Variants in BTC observed in about 807,000 individuals in gnomAD.
The protein encoded by BTC is betacellulin.
A neutral mutation model predicts 18.1 loss-of-function variants in BTC; 13 were observed. That is an observed-to-expected ratio of 0.72 (90% CI 0.47 to 1.14). BTC has a LOEUF of 1.14. Among genes scored for constraint, BTC ranks in the 50% most tolerant of loss-of-function variants. The probability of loss-of-function intolerance (pLI) is 0.00; values close to 1 mark genes in which losing one functional copy is unlikely to be tolerated. For synonymous variants in BTC, 83 were observed against 79.4 expected, an observed-to-expected ratio of 1.05 and a Z score of -0.24; for missense variants, 247 against 224.2, an observed-to-expected ratio of 1.10 and a Z score of -0.65.
chr4:74,760,998 T>C (rs910343895), intron 2 of BTC, among the ~76,000 whole-genome samples: 2 of 152,128 alleles, frequency 1.3e-5, no homozygotes, highest in South Asian at 2.1e-4. Flanking sequence ...CCTCCCAAAG[T>C]GCTGGGATTA....
At chr4:74,753,960 C>T (rs113492153) in intron 3 of BTC, among the ~76,000 whole-genome samples, 214 of 152,242 alleles carry the variant, frequency 1.4e-3, no homozygotes, top group African/African-American at 4.6e-3. Context: ...AGTGTTTTCG[C>T]ATTTATTATT....
At chr4:74,770,967 G>A (rs1725023465) in intron 1 of BTC, among the ~76,000 whole-genome samples, 1 of 150,786 alleles carries the variant, frequency 6.6e-6, no homozygotes, top group Non-Finnish European at 1.5e-5. Flanking sequence ...GGATAAAATT[G>A]ATGTATCTGG....
intron 1 of BTC, among the ~76,000 whole-genome samples, chr4:74,792,101 A>T (rs974335493): frequency 6.6e-6 from 1 of 152,162 alleles, no homozygotes; most frequent in African/African-American, 2.4e-5. Context: ...ACTTAAAAGT[A>T]AAGTGTGTAT....
At chr4:74,761,403 A>G (rs1218783053) in intron 2 of BTC, among the ~76,000 whole-genome samples, 1 of 152,140 alleles carries the variant, frequency 6.6e-6, no homozygotes, top group Admixed American at 6.5e-5. Flanking sequence ...GGGTAAGCTC[A>G]TCAAGACTCC....
chr4:74,793,885 C>G (rs912856725), intron 1 of BTC, among the ~76,000 whole-genome samples: 1 of 151,990 alleles, frequency 6.6e-6, no homozygotes, highest in Non-Finnish European at 1.5e-5. Context: ...CCCCTGCCCC[C>G]ACCCCCCGAC....
chr4:74,752,912 G>A (rs5028443), intron 3 of BTC, among the ~76,000 whole-genome samples: 93,742 of 151,946 alleles, frequency 0.62, 29,008 homozygotes, highest in East Asian at 0.66. Context: ...GCTTAACAAT[G>A]CTTTAATTGA....
chr4:74,748,800 C>A (rs577865328), intron 4 of BTC, among the ~76,000 whole-genome samples: 4 of 152,222 alleles, frequency 2.6e-5, no homozygotes, highest in African/African-American at 7.2e-5. Context: ...AGTGACACAG[C>A]GTTTGGATAT....
In BTC at chr4:74,791,520, C is replaced by G. The variant is rs184301692; in HGVS notation, c.64+2742G>C. On this transcript the variant is annotated intron_variant, in intron 1 of 5. Coordinates refer to ENST00000395743, the MANE Select transcript of BTC (RefSeq NM_001729.4). ...CCAAATTAATGCATATAAAGAATAT[C>G]GATAACACATAAACGTGTAATTTAT... 2.0e-4 allele frequency among the ~76,000 whole-genome samples: 30 copies of G among 152,168 alleles called. No individual in the cohort carries two copies. The East Asian group carries it at 5.0e-3, about 25-fold the overall frequency.
At chr4:74,748,244 T>A (rs979469568) in intron 4 of BTC, 95 bp from the exon 5 acceptor site, 30 of 808,924 alleles carry the variant, frequency 3.7e-5, no homozygotes, top group South Asian at 9.0e-5. Context: ...GTTTCTTTTT[T>A]TAAAAAAATA....
intron 1 of BTC, among the ~76,000 whole-genome samples, chr4:74,784,461 G>A (rs895472911): frequency 7.9e-5 from 12 of 152,056 alleles, no homozygotes; most frequent in Admixed American, 7.9e-4. Context: ...TCAATACTAT[G>A]TTGAGTAGGA....
rs1724286570 is a variant in BTC at position 74,746,314 on chromosome 4, G to A, written c.*363C>T. The A allele has an allele frequency of 6.6e-6, 1 of 152,206 alleles. No homozygotes were observed. Among genetic ancestry groups the A allele is most frequent in the South Asian group, 2.1e-4 (1 of 4,812 alleles). 9.4% of individuals were successfully genotyped at this position (152,206 alleles called of 1,614,324 possible). A position where few individuals can be genotyped will look rare whatever the true frequency, so the allele number is the denominator to read the frequency against. ...TATATTTCAAACTTATTAGCACATGGTAAATGCTTGATAAATGGTAGCTTT... is the reference window on the plus strand; with the variant it reads ...TATATTTCAAACTTATTAGCACATGATAAATGCTTGATAAATGGTAGCTTT... On this transcript the variant is annotated 3_prime_UTR_variant, in exon 6 of 6. Coordinates refer to ENST00000395743, the MANE Select transcript of BTC (RefSeq NM_001729.4).
chr4:74,768,081 T>G (rs574076339), intron 2 of BTC, among the ~76,000 whole-genome samples: 1 of 152,192 alleles, frequency 6.6e-6, no homozygotes, highest in African/African-American at 2.4e-5. Context: ...CAACAGAGTT[T>G]GGGCTGTGCA....
intron 2 of BTC, among the ~76,000 whole-genome samples, chr4:74,763,450 A>AT (rs782556274): frequency 2.0e-5 from 3 of 152,120 alleles, no homozygotes; most frequent in South Asian, 2.1e-4. Flanking sequence ...TCTATTTTTA[A>AT]TTTTTTTAAA....
intron 1 of BTC, 110 bp from the exon 2 acceptor site, chr4:74,770,266 G>T: frequency 1.2e-6 from 1 of 848,726 alleles, no homozygotes; most frequent in Non-Finnish European, 1.8e-6. Flanking sequence ...CAAGACTATG[G>T]TTTCCATTTC....
In BTC at chr4:74,794,450, C is replaced by A. The variant is rs1560729775; in HGVS notation, c.-125G>T. The A allele has an allele frequency of 2.7e-6, 3 of 1,112,784 alleles. No individual in the cohort carries two copies. Among genetic ancestry groups the A allele is most frequent in the Non-Finnish European group, 2.5e-6 (2 of 811,332 alleles). The allele number at this position is 1,112,784 out of a possible 1,614,324, so 68.9% of individuals were successfully genotyped here. A position where few individuals can be genotyped will look rare whatever the true frequency, so the allele number is the denominator to read the frequency against. ...ATCCCGGAGGCAGAAGGAAACGAAA[C>A]TACTTCCCAGGCTGGCACCCTGGCT... On this transcript the variant is annotated 5_prime_UTR_variant, in exon 1 of 6. Coordinates refer to ENST00000395743, the MANE Select transcript of BTC (RefSeq NM_001729.4).
At chr4:74,792,487 C>G (rs886714416) in intron 1 of BTC, among the ~76,000 whole-genome samples, 1 of 152,192 alleles carries the variant, frequency 6.6e-6, no homozygotes, top group African/African-American at 2.4e-5. Flanking sequence ...GGCGCCCCCC[C>G]TTCCTATACT....
At chr4:74,775,770 A>C (rs567117481) in intron 1 of BTC, among the ~76,000 whole-genome samples, 145 of 152,320 alleles carry the variant, frequency 9.5e-4, no homozygotes, top group Middle Eastern at 3.4e-3. Context: ...GGAATCACCT[A>C]AAATAAGTTT....
intron 3 of BTC, among the ~76,000 whole-genome samples, chr4:74,753,704 T>TCCTAGGTTGATTATCTACCA (rs1560710314): frequency 2.6e-5 from 4 of 152,088 alleles, no homozygotes; most frequent in Non-Finnish European, 5.9e-5. Context: ...GAAACATCAG[T>TCCTAGGTTGATTATCTACCA]CCTAGGTTGA....
chr4:74,748,142 G>C lies in BTC; in HGVS notation c.436C>G (p.Arg146Gly), dbSNP rs376806249. 2 of 1,603,738 alleles carry C rather than the reference G, an allele frequency of 1.2e-6. No homozygotes were observed. Among genetic ancestry groups the C allele is most frequent in the Non-Finnish European group, 1.7e-6 (2 of 1,176,012 alleles). Residue 146 changes from arginine to glycine, a missense_variant, in exon 5 of 6, where the codon CGG (arginine) becomes GGG (glycine). By Grantham distance (125) the Arg-to-Gly change is moderately radical (BLOSUM62 -2). Transcript: ENST00000395743. ...TTCTTCTTTCTTTTACGACGTTTCCGAAGAGGGCTTGGAAAATACGTGTTA... is the reference window on the plus strand; with the variant it reads ...TTCTTCTTTCTTTTACGACGTTTCCCAAGAGGGCTTGGAAAATACGTGTTA... ...IGVCTCCHPL[R>G]KRRKRKKKEE...
Sources: gnomAD v4.1 joint callset for allele counts (sites outside exome capture counted in the v4.1 genomes callset) on GRCh38, gnomAD v4.1.1 for gene constraint, MANE v1.5 for transcripts, NCBI Gene and HGNC (gene_info 2026-07-23, HGNC 2026-07-21) for gene names.